Variants in TRPC4 observed in about 807,000 individuals in gnomAD.
The protein encoded by TRPC4 is short transient receptor potential channel 4.
Under a neutral mutation model 99.4 loss-of-function variants are expected in TRPC4, and 49 were observed. That is an observed-to-expected ratio of 0.49 (90% CI 0.39 to 0.63). The LOEUF (loss-of-function observed/expected upper bound fraction) is 0.63, where lower values mean the gene tolerates loss of function less well. Ranked by LOEUF, TRPC4 falls within the 20% of genes least tolerant of loss-of-function variation. The pLI is 0.00. For missense variants in TRPC4, 898 were observed against 1,152.9 expected (o/e 0.78, Z 3.20); for synonymous variants, 454 against 425.9 (o/e 1.07, Z -0.81).
chr13:37,815,496 AC>A (rs937952571), intron 1 of TRPC4, among the ~76,000 whole-genome samples: 1 of 151,854 alleles, frequency 6.6e-6, no homozygotes, highest in African/African-American at 2.4e-5. Flanking sequence ...CAGACTTTAA[AC>A]GACAGTGATC....
chr13:37,662,759 T>G lies in TRPC4; in HGVS notation c.1688+657A>C, dbSNP rs552511506. ...GACAGATATATAGAGGAATAGCCTA[T>G]GAGAGCTGTGTGACCATCAGACACA... is the stretch of plus-strand genomic sequence containing the variant. On this transcript the variant is annotated intron_variant, in intron 6 of 10. Coordinates refer to ENST00000379705, the MANE Select transcript of TRPC4 (RefSeq NM_016179.4). Among the ~76,000 whole-genome samples, 53 of 152,320 alleles carry G rather than the reference T, an allele frequency of 3.5e-4. No homozygotes were observed. The South Asian group carries it at 5.0e-3, about 14-fold the overall frequency.
chr13:37,805,416 G>A (rs1395944452), intron 1 of TRPC4, among the ~76,000 whole-genome samples: 1 of 151,912 alleles, frequency 6.6e-6, no homozygotes, highest in Non-Finnish European at 1.5e-5. Context: ...CACTGGGGAA[G>A]TCTTGAATTA....
At chr13:37,723,613 T>C (rs1386049262) in intron 3 of TRPC4, among the ~76,000 whole-genome samples, 1 of 152,178 alleles carries the variant, frequency 6.6e-6, no homozygotes, top group East Asian at 1.9e-4. Flanking sequence ...ACAGTGGTGC[T>C]ATCACAGCTC....
At chr13:37,788,112 T>C (rs1228073822) in intron 1 of TRPC4, among the ~76,000 whole-genome samples, 2 of 152,002 alleles carry the variant, frequency 1.3e-5, no homozygotes, top group Non-Finnish European at 2.9e-5. Context: ...ATCAATCTAT[T>C]ACTCTTTCCC....
chr13:37,734,638 GC>G (rs1278846069), intron 3 of TRPC4, among the ~76,000 whole-genome samples: 3 of 152,004 alleles, frequency 2.0e-5, no homozygotes, highest in Non-Finnish European at 4.4e-5. Context: ...ATCACTATGT[GC>G]CCCAGGAATA....
At position 37,633,026 on chromosome 13, in the gene TRPC4, G is replaced by A. The variant is rs1593394475; in HGVS notation, c.*3877C>T. 6.6e-6 allele frequency among the ~76,000 whole-genome samples: 1 copy of A among 151,798 alleles called. No individual in the cohort carries two copies. Among genetic ancestry groups the A allele is most frequent in the Non-Finnish European group, 1.5e-5 (1 of 67,954 alleles). On this transcript the variant is annotated 3_prime_UTR_variant, in exon 11 of 11. Coordinates refer to ENST00000379705, the MANE Select transcript of TRPC4 (RefSeq NM_016179.4). ...CCCCAACTTGACCACCAAACACATG[G>A]GTAAATTTAGATAATTTCCATAAAT...
At chr13:37,743,175 A>G (rs1955641249) in intron 3 of TRPC4, among the ~76,000 whole-genome samples, 1 of 152,158 alleles carries the variant, frequency 6.6e-6, no homozygotes, top group African/African-American at 2.4e-5. Context: ...TGGGCAACAT[A>G]GCAAGACCCC....
chr13:37,864,801 C>T (rs1959630416), intron 1 of TRPC4, among the ~76,000 whole-genome samples: 2 of 151,618 alleles, frequency 1.3e-5, no homozygotes, highest in South Asian at 4.1e-4. Flanking sequence ...TAGGCACAAA[C>T]TAGGCACTAA....
intron 3 of TRPC4, among the ~76,000 whole-genome samples, chr13:37,738,733 A>G (rs914821642): frequency 1.3e-5 from 2 of 152,320 alleles, no homozygotes; most frequent in Middle Eastern, 3.4e-3. Flanking sequence ...GAAATATTGC[A>G]ACAATGTTAT....
intron 1 of TRPC4, among the ~76,000 whole-genome samples, chr13:37,863,888 G>C (rs923707833): frequency 4.6e-5 from 7 of 151,530 alleles, no homozygotes; most frequent in Non-Finnish European, 1.0e-4. Context: ...TATTCAAAAA[G>C]CACATAGTCA....
intron 1 of TRPC4, among the ~76,000 whole-genome samples, chr13:37,826,969 T>C (rs1958243331): frequency 1.3e-5 from 2 of 152,110 alleles, no homozygotes; most frequent in Admixed American, 1.3e-4. Flanking sequence ...GCTTTGCTTG[T>C]TTCTTTTTAT....
rs369133583 is a variant in TRPC4 at position 37,653,411 on chromosome 13, A to C, written c.1884+1677T>G. ...TTAACAAGAAAAAGAAAGAAAGAGG[A>C]AGAAAGAAAGAAAGAAGAAAGAAGA... On this transcript the variant is annotated intron_variant, in intron 7 of 10. Transcript: ENST00000379705. 2.9e-5 allele frequency among the ~76,000 whole-genome samples: 4 copies of C among 137,348 alleles called. No individual in the cohort carries two copies. The East Asian group carries it at 6.3e-4, about 22-fold the overall frequency. 90.1% of individuals were successfully genotyped at this position (137,348 alleles called of 152,430 possible).
intron 10 of TRPC4, 55 bp from the exon 11 acceptor site, chr13:37,637,680 C>A: frequency 4.7e-6 from 7 of 1,494,846 alleles, no homozygotes; most frequent in Non-Finnish European, 5.4e-6. Context: ...TTGGAAACAT[C>A]ATTTTCTCGT....
rs1952968936 is a variant in TRPC4 at position 37,674,274 on chromosome 13, G to A, written c.1328C>T (p.Ser443Phe). 1 of 1,601,812 alleles carries A rather than the reference G, an allele frequency of 6.2e-7. No individual in the cohort carries two copies. The highest frequency in any genetic ancestry group is 1.3e-5 in the African/African-American group (1 of 74,564). The part of the protein sequence containing the change: ...WWNLMDFVMN[S>F]LYLATISLKI... ...CAAGGAGATTGTTGCTAAATATAAG[G>A]AGTTCATTACAAAGTCCATTAGATT... Residue 443 changes from serine (S) to phenylalanine (F), a missense_variant, in exon 5 of 11, where the codon TCC (serine) becomes TTC (phenylalanine). Ser to Phe is a radical substitution (Grantham distance 155, BLOSUM62 -2). Around this residue, in one of 3 missense-constraint regions of TRPC4, gnomAD observed 274 missense variants for 454.9 expected, o/e 0.60. Transcript: ENST00000379705.
intron 1 of TRPC4, among the ~76,000 whole-genome samples, chr13:37,788,457 C>T (rs750531279): frequency 6.6e-6 from 1 of 152,026 alleles, no homozygotes; most frequent in South Asian, 2.1e-4. Flanking sequence ...TTAATCATGT[C>T]CTCCTAGTTG....
chr13:37,639,920 G>T (rs555471550), intron 8 of TRPC4, among the ~76,000 whole-genome samples: 1 of 152,052 alleles, frequency 6.6e-6, no homozygotes, highest in Non-Finnish European at 1.5e-5. Context: ...GCATCAGAAT[G>T]GTTTGAGAGC....
At chr13:37,733,814 C>T (rs1456779750) in intron 3 of TRPC4, among the ~76,000 whole-genome samples, 8 of 151,920 alleles carry the variant, frequency 5.3e-5, no homozygotes, top group South Asian at 2.1e-4. Context: ...CACTTAGATA[C>T]GGGTGGAGGA....
In TRPC4 at chr13:37,746,038, C is replaced by T. The variant is rs139337255; in HGVS notation, c.796G>A (p.Glu266Lys). The change falls in exon 3 of 11, where the codon GAA becomes AAA. Residue 266 changes from glutamate to lysine, a missense_variant. Glu to Lys is a moderately conservative substitution (Grantham distance 56, BLOSUM62 1). Around this residue, in one of 3 missense-constraint regions of TRPC4, gnomAD observed 278 missense variants for 346.6 expected, o/e 0.80. Coordinates refer to ENST00000379705, the MANE Select transcript of TRPC4 (RefSeq NM_016179.4). Reference sequence around the variant, plus strand: ...TCATCTCGGTAATTAAGAATGATTTCCAGTTCTCTGGAACTTCTCGTCTGA... The same window carrying T: ...TCATCTCGGTAATTAAGAATGATTTTCAGTTCTCTGGAACTTCTCGTCTGA... ...LDQTRSSREL[E>K]IILNYRDDNS... 1 of 1,613,862 alleles carries T rather than the reference C, an allele frequency of 6.2e-7. No individual in the cohort carries two copies. The highest frequency in any genetic ancestry group is 8.5e-7 in the Non-Finnish European group (1 of 1,179,862).
chr13:37,867,487 C>A (rs1959839067), intron 1 of TRPC4, among the ~76,000 whole-genome samples: 1 of 87,560 alleles, frequency 1.1e-5, no homozygotes, highest in Non-Finnish European at 2.5e-5. Flanking sequence ...AAAATCAGTG[C>A]ATCTTAAAGG....
Sources: allele counts gnomAD v4.1 joint callset (sites outside exome capture counted in the v4.1 genomes callset), GRCh38; gene constraint gnomAD v4.1.1; regional missense constraint gnomAD v4.1.1; transcripts MANE v1.5; gene names NCBI Gene and HGNC (gene_info 2026-07-23, HGNC 2026-07-21).